KCNH1: variants seen among roughly 807,000 people sequenced by gnomAD.
KCNH1 encodes potassium voltage-gated channel subfamily H member 1.
In KCNH1, 27 loss-of-function variants were observed where a neutral mutation model predicts 69.2. The observed-to-expected ratio is 0.39, with a 90% CI of 0.29 to 0.54. The LOEUF (loss-of-function observed/expected upper bound fraction) is 0.54. Ranked by LOEUF, KCNH1 falls within the 20% of genes least tolerant of loss-of-function variation. The pLI, the probability that KCNH1 is intolerant of heterozygous loss-of-function variation, is 0.68. For missense variants in KCNH1, 798 were observed against 1,261.6 expected, an observed-to-expected ratio of 0.63 and a Z score of 5.57; for synonymous variants, 456 against 487.7, an observed-to-expected ratio of 0.93 and a Z score of 0.86.
chr1:210,976,027 A>C (rs1188294910), intron 6 of KCNH1, among the ~76,000 whole-genome samples: 1 of 152,250 alleles, frequency 6.6e-6, no homozygotes, highest in African/African-American at 2.4e-5. Context: ...CTATCAGAGA[A>C]ACGCAAATCA....
At chr1:210,742,616 C>G (rs905399492) in intron 10 of KCNH1, among the ~76,000 whole-genome samples, 3 of 152,108 alleles carry the variant, frequency 2.0e-5, no homozygotes, top group Non-Finnish European at 4.4e-5. Flanking sequence ...CATGCACTTT[C>G]CCAGAAAAGA....
intron 7 of KCNH1, among the ~76,000 whole-genome samples, chr1:210,852,732 T>C (rs1006507314): frequency 4.6e-5 from 7 of 152,218 alleles, no homozygotes; most frequent in African/African-American, 1.4e-4. Context: ...ACAAACATTA[T>C]GTAGGTTACA....
chr1:211,029,166 CA>C (rs34291308), intron 5 of KCNH1, among the ~76,000 whole-genome samples: 10,511 of 52,712 alleles, frequency 0.2, 486 homozygotes, highest in African/African-American at 0.29. Context: ...CCCATCTCTA[CA>C]AAAAAAAAAA....
intron 6 of KCNH1, among the ~76,000 whole-genome samples, chr1:210,981,416 G>T: frequency 6.8e-6 from 1 of 147,714 alleles, no homozygotes; most frequent in East Asian, 2.0e-4. Context: ...TCACACCATG[G>T]CTATATGAAG....
chr1:210,966,914 C>T (rs1688415912), intron 6 of KCNH1, among the ~76,000 whole-genome samples: 2 of 152,170 alleles, frequency 1.3e-5, no homozygotes, highest in South Asian at 4.1e-4. Flanking sequence ...GACACATGCA[C>T]ATGTATGTTT....
Position 211,082,915 on chromosome 1 carries a change from A to C in KCNH1, c.440-17T>G. The stretch of plus-strand genomic sequence containing the variant: ...TCCCCCAGCCTGAAGCAAGTGGAAG[A>C]GTGAAAAGACAGGGTCAACCACATC... On this transcript the variant is annotated splice_polypyrimidine_tract_variant and intron_variant, in intron 4 of 10. Transcript: ENST00000271751. 1 of 1,603,678 alleles carries C rather than the reference A, an allele frequency of 6.2e-7. No individual in the cohort carries two copies. Among genetic ancestry groups the C allele is most frequent in the Non-Finnish European group, 8.5e-7 (1 of 1,171,532 alleles).
intron 5 of KCNH1, among the ~76,000 whole-genome samples, chr1:211,044,409 C>A (rs1488524111): frequency 6.6e-6 from 1 of 152,036 alleles, no homozygotes; most frequent in East Asian, 1.9e-4. Context: ...AGATAAATAG[C>A]TGGGACTTAA....
chr1:210,902,819 C>G (rs927022850), intron 7 of KCNH1, among the ~76,000 whole-genome samples: 2 of 152,188 alleles, frequency 1.3e-5, no homozygotes, highest in Non-Finnish European at 1.5e-5. Flanking sequence ...ATCACTGTTT[C>G]TCCACTAAAA....
chr1:210,744,161 G>A (rs1683096215), intron 10 of KCNH1, among the ~76,000 whole-genome samples: 1 of 152,188 alleles, frequency 6.6e-6, no homozygotes, highest in Non-Finnish European at 1.5e-5. Flanking sequence ...CCGGAATGCA[G>A]GCTCAGAGTA....
chr1:210,806,105 C>T (rs1188524323), intron 7 of KCNH1, among the ~76,000 whole-genome samples: 8 of 152,138 alleles, frequency 5.3e-5, no homozygotes, highest in Admixed American at 2.6e-4. Context: ...CTGGGTCATA[C>T]GGTTACTAGG....
intron 6 of KCNH1, among the ~76,000 whole-genome samples, chr1:210,983,475 A>G (rs1481211009): frequency 6.6e-6 from 1 of 152,234 alleles, no homozygotes; most frequent in African/African-American, 2.4e-5. Context: ...ATCCAGTTTC[A>G]GCTTTCTACA....
At chr1:210,965,937 G>A (rs1481969269) in intron 6 of KCNH1, among the ~76,000 whole-genome samples, 3 of 152,028 alleles carry the variant, frequency 2.0e-5, no homozygotes, top group Non-Finnish European at 2.9e-5. Context: ...ATAATCCTAA[G>A]CCAAAAGAAC....
intron 5 of KCNH1, among the ~76,000 whole-genome samples, chr1:211,034,300 C>G (rs930731488): frequency 3.3e-5 from 5 of 151,758 alleles, no homozygotes; most frequent in African/African-American, 1.2e-4. Flanking sequence ...GGATGAATCT[C>G]CAGAGACTGA....
At chr1:210,706,331 A>C (rs1424000703) in intron 10 of KCNH1, among the ~76,000 whole-genome samples, 2 of 152,228 alleles carry the variant, frequency 1.3e-5, no homozygotes, top group Non-Finnish European at 2.9e-5. Flanking sequence ...CTGAGTCCCC[A>C]GTCATTGATA....
chr1:210,886,415 T>C (rs1686606589), intron 7 of KCNH1, among the ~76,000 whole-genome samples: 3 of 151,930 alleles, frequency 2.0e-5, no homozygotes, highest in Admixed American at 6.5e-5. Context: ...AGACCAAAGA[T>C]AGAAAAACCC....
intron 6 of KCNH1, among the ~76,000 whole-genome samples, chr1:210,956,603 T>C (rs1688182799): frequency 6.6e-6 from 1 of 151,036 alleles, no homozygotes; most frequent in African/African-American, 2.4e-5. Context: ...CTGTTATTCG[T>C]CTATTCAGAG....
chr1:211,008,147 C>A (rs1689319762), intron 6 of KCNH1, among the ~76,000 whole-genome samples: 1 of 152,144 alleles, frequency 6.6e-6, no homozygotes, highest in Non-Finnish European at 1.5e-5. Context: ...AAAGTAGAAG[C>A]AACTCATATC....
intron 6 of KCNH1, among the ~76,000 whole-genome samples, chr1:210,933,493 C>T (rs184126234): frequency 2.0e-5 from 3 of 149,336 alleles, no homozygotes; most frequent in Non-Finnish European, 4.4e-5. Context: ...TGAACATGTA[C>T]CCTAAAACTT....
chr1:210,996,317 C>A (rs987184414), intron 6 of KCNH1, among the ~76,000 whole-genome samples: 3 of 152,170 alleles, frequency 2.0e-5, no homozygotes, highest in Non-Finnish European at 4.4e-5. Context: ...GCTTAAAAAA[C>A]GGCACACCAG....
Sources: allele counts gnomAD v4.1 joint callset (sites outside exome capture counted in the v4.1 genomes callset), GRCh38; gene constraint gnomAD v4.1.1; transcripts MANE v1.5; gene names NCBI Gene and HGNC (gene_info 2026-07-23, HGNC 2026-07-21).